The following GJA1 variants were observed in gnomAD, a reference collection of about 807,000 sequenced individuals.
The protein encoded by GJA1 is gap junction protein alpha 1, also known as gap junction alpha-1 protein.
A neutral mutation model predicts 31.0 loss-of-function variants in GJA1; 9 were observed. That is an observed-to-expected ratio of 0.29 (90% CI 0.17 to 0.51). GJA1 has a LOEUF of 0.51. Ranked by LOEUF, GJA1 falls within the 20% of genes least tolerant of loss-of-function variation. The pLI, the probability that GJA1 is intolerant of heterozygous loss-of-function variation, is 0.98. For missense variants in GJA1, 278 were observed against 468.8 expected (o/e 0.59, Z 3.76); for synonymous variants, 186 against 180.1 (o/e 1.03, Z -0.26).
chr6:121,440,467 T>C (rs1773751404), intron 1 of GJA1, among the ~76,000 whole-genome samples: 2 of 152,156 alleles, frequency 1.3e-5, no homozygotes, highest in Admixed American at 1.3e-4. Flanking sequence ...TTGAAGCATG[T>C]TGTTTCAACA....
chr6:121,440,369 T>C (rs912788648), intron 1 of GJA1, among the ~76,000 whole-genome samples: 1 of 152,134 alleles, frequency 6.6e-6, no homozygotes, highest in African/African-American at 2.4e-5. Flanking sequence ...CCTTTTTTCT[T>C]TTTTCTTTTA....
At chr6:121,446,080 G>C (rs1773884810) in intron 1 of GJA1, among the ~76,000 whole-genome samples, 1 of 152,196 alleles carries the variant, frequency 6.6e-6, no homozygotes, top group Non-Finnish European at 1.5e-5. Context: ...TGGATCACCT[G>C]AGGTCAGGAG....
intron 1 of GJA1, among the ~76,000 whole-genome samples, chr6:121,440,094 T>C (rs568809532): frequency 2.6e-4 from 39 of 152,224 alleles, no homozygotes; most frequent in Non-Finnish European, 4.0e-4. Context: ...AACACGATTT[T>C]AAACAGGCTA....
chr6:121,439,319 C>T (rs1773725875), intron 1 of GJA1, among the ~76,000 whole-genome samples: 1 of 151,978 alleles, frequency 6.6e-6, no homozygotes, highest in South Asian at 2.1e-4. Context: ...ATTAAATTCT[C>T]ATTGAAAAAA....
intron 1 of GJA1, among the ~76,000 whole-genome samples, chr6:121,445,966 A>G (rs1425396003): frequency 6.6e-6 from 1 of 152,142 alleles, no homozygotes; most frequent in Non-Finnish European, 1.5e-5. Flanking sequence ...ACAATAATAT[A>G]GGGTATGCAC....
chr6:121,446,505 G>T (rs1773892006), intron 1 of GJA1, among the ~76,000 whole-genome samples: 1 of 152,178 alleles, frequency 6.6e-6, no homozygotes, highest in Non-Finnish European at 1.5e-5. Flanking sequence ...AATAAAAGGA[G>T]CAGAGGCTTA....
At chr6:121,438,553 C>G (rs893843043) in intron 1 of GJA1, among the ~76,000 whole-genome samples, 1 of 152,062 alleles carries the variant, frequency 6.6e-6, no homozygotes, top group African/African-American at 2.4e-5. Context: ...ATATATGATA[C>G]CCGCAGGGAA....
chr6:121,439,891 G>T (rs1367603275), intron 1 of GJA1, among the ~76,000 whole-genome samples: 1 of 152,116 alleles, frequency 6.6e-6, no homozygotes, highest in Admixed American at 6.5e-5. Flanking sequence ...GGCCATCTAG[G>T]TATAAATAAG....
rs1274776137 is a variant in GJA1 at position 121,447,516 on chromosome 6, G to A, written c.669G>A (p.Leu223=). The A allele has an allele frequency of 4.3e-6, 7 of 1,613,814 alleles. No homozygotes were observed. The highest frequency in any genetic ancestry group is 3.4e-6 in the Non-Finnish European group (4 of 1,179,914). The change falls in exon 2 of 2, where the codon TTG becomes TTA. Residue 223 remains leucine, a synonymous_variant. Coordinates refer to ENST00000282561, the MANE Select transcript of GJA1 (RefSeq NM_000165.5). The part of the protein sequence containing the change: ...MLVVSLVSLA[L]NIIELFYVFF... Reference sequence around the variant, plus strand: ...TGGTGTCCTTGGTGTCCCTGGCCTTGAATATCATTGAACTCTTCTATGTTT... The same window carrying A: ...TGGTGTCCTTGGTGTCCCTGGCCTTAAATATCATTGAACTCTTCTATGTTT...
intron 1 of GJA1, among the ~76,000 whole-genome samples, chr6:121,446,581 TAA>T (rs1464646326): frequency 6.6e-6 from 1 of 152,198 alleles, no homozygotes; most frequent in Non-Finnish European, 1.5e-5. Context: ...CTTCCCAGGT[TAA>T]AGACTGCAAC....
chr6:121,446,713 A>G (rs1212667591), intron 1 of GJA1, 119 bp from the exon 2 acceptor site: 2 of 784,764 alleles, frequency 2.5e-6, no homozygotes, highest in East Asian at 4.9e-5. Flanking sequence ...TTTTTGTGAA[A>G]GAATGTTAGA....
At position 121,446,834 on chromosome 6, in the gene GJA1, G is replaced by C. The variant is rs1180608374; in HGVS notation, c.-14G>C. 6.3e-7 allele frequency: 1 copy of C among 1,592,598 alleles called. No individual in the cohort carries two copies. Among genetic ancestry groups the C allele is most frequent in the East Asian group, 2.2e-5 (1 of 44,760 alleles). On this transcript the variant is annotated splice_region_variant and 5_prime_UTR_variant, in exon 2 of 2. Coordinates refer to ENST00000282561, the MANE Select transcript of GJA1 (RefSeq NM_000165.5). ...AATTGTCTCTTTGTTTCTTTCAGGT[G>C]GTGCCCAGGCAACATGGGTGACTGG...
At position 121,447,698 on chromosome 6, in the gene GJA1, C is replaced by G. The variant is rs1773912980; in HGVS notation, c.851C>G (p.Pro284Arg). Reference protein sequence around the residue: ...PTAPLSPMSPPGYKLVTGDRN... With the variant: ...PTAPLSPMSPRGYKLVTGDRN... ...GCTCCCCTCTCGCCTATGTCTCCTC[C>G]TGGGTACAAGCTGGTTACTGGCGAC... is the stretch of plus-strand genomic sequence containing the variant. Residue 284 changes from proline to arginine, a missense_variant, in exon 2 of 2, where the codon CCT (proline) becomes CGT (arginine). By Grantham distance (103) the Pro-to-Arg change is moderately radical. Coordinates refer to ENST00000282561, the MANE Select transcript of GJA1 (RefSeq NM_000165.5). 6.2e-7 allele frequency: 1 copy of G among 1,613,980 alleles called. No individual in the cohort carries two copies. Among genetic ancestry groups the G allele is most frequent in the Non-Finnish European group, 8.5e-7 (1 of 1,180,038 alleles).
chr6:121,442,182 A>G (rs3805785), intron 1 of GJA1, among the ~76,000 whole-genome samples: 1 of 152,138 alleles, frequency 6.6e-6, no homozygotes, highest in Admixed American at 6.5e-5. Context: ...AATCCTATTT[A>G]CCTTTATTTA....
Position 121,447,836 on chromosome 6 carries a change from C to G in GJA1, c.989C>G (p.Ser330Cys), listed in dbSNP as rs780154529. The change falls in exon 2 of 2, where the codon TCC becomes TGC. Residue 330 changes from serine to cysteine, a missense_variant. Physicochemically the swap from Ser to Cys is moderately radical, Grantham distance 112. Around this residue, in one of 3 missense-constraint regions of GJA1, gnomAD observed 172 missense variants for 190.9 expected, o/e 0.90. Coordinates refer to ENST00000282561, the MANE Select transcript of GJA1 (RefSeq NM_000165.5). ...MGQAGSTISN[S>C]HAQPFDFPDD... is the part of the protein sequence containing the mutation. The stretch of plus-strand genomic sequence containing the variant: ...CAGGCGGGAAGCACCATCTCTAACT[C>G]CCATGCACAGCCTTTTGATTTCCCC... The G allele has an allele frequency of 6.2e-7, 1 of 1,613,870 alleles. No individual in the cohort carries two copies. The highest frequency in any genetic ancestry group is 1.7e-5 in the Admixed American group (1 of 59,992).
chr6:121,436,063 A>G (rs78125885), intron 1 of GJA1, among the ~76,000 whole-genome samples: 3,849 of 152,090 alleles, frequency 0.025, 199 homozygotes, highest in East Asian at 0.21. Context: ...AAAAGGTTCA[A>G]ACCTTTCCGA....
chr6:121,446,499 A>G (rs1348147210), intron 1 of GJA1, among the ~76,000 whole-genome samples: 1 of 152,208 alleles, frequency 6.6e-6, no homozygotes, highest in African/African-American at 2.4e-5. Context: ...CAGACAAATA[A>G]AAGGAGCAGA....
At position 121,448,819 on chromosome 6, in the gene GJA1, T is replaced by G. The variant is rs984985133; in HGVS notation, c.*823T>G. 1.8e-5 allele frequency: 3 copies of G among 167,120 alleles called. No individual in the cohort carries two copies. Among genetic ancestry groups the G allele is most frequent in the African/African-American group, 7.2e-5 (3 of 41,454 alleles). The allele number at this position is 167,120 out of a possible 1,614,324, so 10.4% of individuals were successfully genotyped here. On this transcript the variant is annotated 3_prime_UTR_variant, in exon 2 of 2. Coordinates refer to ENST00000282561, the MANE Select transcript of GJA1 (RefSeq NM_000165.5). The stretch of plus-strand genomic sequence containing the variant: ...ATGCTTAATATTTAACAATCACTTA[T>G]ATGTGTGTCGAAGAGTTTGTTTTGT...
At chr6:121,445,595 C>G (rs1773874067) in intron 1 of GJA1, among the ~76,000 whole-genome samples, 1 of 152,216 alleles carries the variant, frequency 6.6e-6, no homozygotes, top group East Asian at 1.9e-4. Context: ...AGATGAAAAC[C>G]AATCTTTTCT....
Sources: gnomAD v4.1 joint callset for allele counts (sites outside exome capture counted in the v4.1 genomes callset) on GRCh38, gnomAD v4.1.1 for gene constraint, gnomAD v4.1.1 regional missense constraint, MANE v1.5 for transcripts, NCBI Gene and HGNC (gene_info 2026-07-23, HGNC 2026-07-21) for gene names.